The following EXOC4 variants were observed in gnomAD, a reference collection of about 807,000 sequenced individuals.
The protein encoded by EXOC4 is exocyst complex component 4, also known as SEC8-like 1.
EXOC4 carries 71 observed loss-of-function variants against 107.2 expected under a neutral mutation model. The observed-to-expected ratio is 0.66, with a 90% CI of 0.55 to 0.81. The LOEUF is 0.81. EXOC4 is among the 30% of genes least tolerant of loss of function. The pLI is 0.00. For synonymous variants in EXOC4, 456 were observed against 441.2 expected (o/e 1.03, Z -0.42); for missense variants, 1,108 against 1,189.6 (o/e 0.93, Z 1.01).
chr7:133,586,515 C>T (rs1801408619), intron 9 of EXOC4, among the ~76,000 whole-genome samples: 1 of 152,142 alleles, frequency 6.6e-6, no homozygotes, highest in South Asian at 2.1e-4. Context: ...TCCAGTCTAC[C>T]ATTGATGGAC....
chr7:133,628,965 G>A (rs1802521211), intron 9 of EXOC4, among the ~76,000 whole-genome samples: 1 of 152,174 alleles, frequency 6.6e-6, no homozygotes, highest in South Asian at 2.1e-4. Flanking sequence ...TGGTGACACT[G>A]GATGACAATG....
At chr7:134,010,957 T>A (rs1382737186) in intron 17 of EXOC4, among the ~76,000 whole-genome samples, 2 of 152,154 alleles carry the variant, frequency 1.3e-5, no homozygotes, top group Non-Finnish European at 2.9e-5. Context: ...TGAGGGTAGA[T>A]CTTGGGTGAG....
At chr7:133,260,869 A>C (rs779384746) in intron 1 of EXOC4, among the ~76,000 whole-genome samples, 3 of 151,996 alleles carry the variant, frequency 2.0e-5, no homozygotes, top group Non-Finnish European at 4.4e-5. Flanking sequence ...GGCCACTTCA[A>C]GTTGTGCTAC....
chr7:133,919,327 C>A (rs1248861022), intron 13 of EXOC4, among the ~76,000 whole-genome samples: 2 of 152,138 alleles, frequency 1.3e-5, no homozygotes, highest in Non-Finnish European at 2.9e-5. Context: ...TAACATCTTG[C>A]ATTCATGTGG....
intron 14 of EXOC4, among the ~76,000 whole-genome samples, chr7:133,945,788 G>T (rs1800536189): frequency 6.6e-6 from 1 of 152,184 alleles, no homozygotes; most frequent in Non-Finnish European, 1.5e-5. Context: ...GATGGAATGT[G>T]AATATTCTCA....
At chr7:133,778,119 A>G (rs1796384211) in intron 10 of EXOC4, among the ~76,000 whole-genome samples, 1 of 152,224 alleles carries the variant, frequency 6.6e-6, no homozygotes, top group Non-Finnish European at 1.5e-5. Context: ...CTGTGCCATG[A>G]TTAAGACAAA....
At chr7:133,497,816 C>T (rs1799506486) in intron 9 of EXOC4, among the ~76,000 whole-genome samples, 1 of 152,146 alleles carries the variant, frequency 6.6e-6, no homozygotes, top group Non-Finnish European at 1.5e-5. Flanking sequence ...ATGAGGAAGA[C>T]ATGTCTATCA....
intron 9 of EXOC4, among the ~76,000 whole-genome samples, chr7:133,572,059 A>G (rs1032956981): frequency 1.3e-5 from 2 of 152,210 alleles, no homozygotes; most frequent in Non-Finnish European, 2.9e-5. Flanking sequence ...TTTCTTTGTT[A>G]GTGAGTTACT....
intron 13 of EXOC4, among the ~76,000 whole-genome samples, chr7:133,926,096 G>A (rs1373876166): frequency 1.3e-5 from 2 of 151,034 alleles, no homozygotes; most frequent in Admixed American, 1.3e-4. Context: ...GTTTATTCCA[G>A]CAGTCACAGC....
chr7:133,478,896 G>A (rs895939693), intron 8 of EXOC4: 15 of 152,060 alleles, frequency 9.9e-5, no homozygotes, highest in Non-Finnish European at 1.8e-4. Context: ...CCTTCTTTCT[G>A]GCTGTTAGTA....
At chr7:133,400,969 A>G (rs915765018) in intron 7 of EXOC4, among the ~76,000 whole-genome samples, 1 of 152,204 alleles carries the variant, frequency 6.6e-6, no homozygotes. Flanking sequence ...GTTTGTAGCC[A>G]GAGGTTTCTG....
intron 9 of EXOC4, among the ~76,000 whole-genome samples, chr7:133,540,726 G>C (rs1436992961): frequency 1.3e-5 from 2 of 152,078 alleles, no homozygotes; most frequent in Non-Finnish European, 2.9e-5. Context: ...GCATGTTATG[G>C]AACAATGTAT....
At chr7:133,354,098 GT>G (rs1032467192) in intron 5 of EXOC4, among the ~76,000 whole-genome samples, 2 of 151,426 alleles carry the variant, frequency 1.3e-5, no homozygotes, top group Admixed American at 6.6e-5. Context: ...CTTTTTAAAA[GT>G]TTTTTTTCTT....
At chr7:133,787,942 C>A (rs1796609455) in intron 10 of EXOC4, among the ~76,000 whole-genome samples, 1 of 97,738 alleles carries the variant, frequency 1.0e-5, no homozygotes, top group East Asian at 3.4e-4. Context: ...ATACTTCTTC[C>A]CTGTGCATAT....
At chr7:133,383,378 G>A (rs762533053) in intron 7 of EXOC4, among the ~76,000 whole-genome samples, 13 of 152,152 alleles carry the variant, frequency 8.5e-5, no homozygotes, top group Non-Finnish European at 1.8e-4. Flanking sequence ...TGGGGACAGT[G>A]GGTTCTGATT....
At chr7:133,777,700 T>G (rs1461604032) in intron 10 of EXOC4, among the ~76,000 whole-genome samples, 1 of 152,206 alleles carries the variant, frequency 6.6e-6, no homozygotes, top group Non-Finnish European at 1.5e-5. Context: ...CTAATTAGCT[T>G]TGTGACCTTG....
At chr7:133,481,772 C>T (rs761025831) in intron 9 of EXOC4, among the ~76,000 whole-genome samples, 3 of 151,960 alleles carry the variant, frequency 2.0e-5, no homozygotes, top group South Asian at 2.1e-4. Context: ...ATGTGCATGT[C>T]GAGAGTCTTG....
intron 1 of EXOC4, among the ~76,000 whole-genome samples, chr7:133,260,474 A>C (rs1390568591): frequency 6.6e-6 from 1 of 152,096 alleles, no homozygotes; most frequent in East Asian, 1.9e-4. Flanking sequence ...GGATTTCACC[A>C]TGTTGGTCAG....
chr7:134,008,308 T>C (rs768353601), intron 17 of EXOC4, among the ~76,000 whole-genome samples: 4 of 152,224 alleles, frequency 2.6e-5, no homozygotes, highest in Admixed American at 6.5e-5. Context: ...TTTATATTAA[T>C]TTAATTTTGT....
Sources: allele counts gnomAD v4.1 joint callset (sites outside exome capture counted in the v4.1 genomes callset), GRCh38; gene constraint gnomAD v4.1.1; transcripts MANE v1.5; gene names NCBI Gene and HGNC (gene_info 2026-07-23, HGNC 2026-07-21).